The following MSANTD4 variants were observed in gnomAD, a reference collection of about 807,000 sequenced individuals.
The protein encoded by MSANTD4 is myb/SANT-like DNA-binding domain-containing protein 4.
In MSANTD4, 13 loss-of-function variants were observed where a neutral mutation model predicts 34.3. The ratio of observed to expected loss-of-function variants is 0.38; its 90% confidence interval spans 0.25 to 0.60. The LOEUF (loss-of-function observed/expected upper bound fraction) is 0.60, where lower values mean the gene tolerates loss of function less well. Ranked by LOEUF, MSANTD4 falls within the 20% of genes least tolerant of loss-of-function variation. The probability of loss-of-function intolerance (pLI) is 0.63; values close to 1 mark genes in which losing one functional copy is unlikely to be tolerated. For missense variants in MSANTD4, 358 were observed against 401.8 expected, an observed-to-expected ratio of 0.89 and a Z score of 0.93; for synonymous variants, 137 against 145.2, an observed-to-expected ratio of 0.94 and a Z score of 0.41.
chr11:106,022,250 T>A (rs1027279942), upstream of MSANTD4: 4 of 152,470 alleles, frequency 2.6e-5, no homozygotes, highest in Non-Finnish European at 5.9e-5. Context: ...GGAAAAAAGA[T>A]GCTTCATTGA....
At chr11:106,017,918 T>C (rs566949371) in intron 1 of MSANTD4, among the ~76,000 whole-genome samples, 34 of 152,254 alleles carry the variant, frequency 2.2e-4, no homozygotes, top group African/African-American at 7.7e-4. Flanking sequence ...AACTATAGCA[T>C]GTATATGAAT....
In MSANTD4 at chr11:106,021,494, G is replaced by A. The variant is rs1266842190; in HGVS notation, c.-683C>T. 6.6e-6 allele frequency: 1 copy of A among 152,066 alleles called. No individual in the cohort carries two copies. Among genetic ancestry groups the A allele is most frequent in the African/African-American group, 2.4e-5 (1 of 41,406 alleles). The allele number at this position is 152,066 out of a possible 1,614,324, so 9.4% of individuals were successfully genotyped here. Reference sequence around the variant, plus strand: ...TTAAGAAGTCTGAGAAAAACCAGACGGCAAGTTCCGGATCAAAAAAATTTG... The same window carrying A: ...TTAAGAAGTCTGAGAAAAACCAGACAGCAAGTTCCGGATCAAAAAAATTTG... On this transcript the variant is annotated 5_prime_UTR_variant, in exon 1 of 3. Transcript: ENST00000301919.
intron 1 of MSANTD4, among the ~76,000 whole-genome samples, chr11:106,018,523 C>T (rs188832496): frequency 2.7e-4 from 41 of 152,222 alleles, no homozygotes; most frequent in Admixed American, 1.3e-3. Flanking sequence ...GGATTGAGAA[C>T]CACCCAACTA....
chr11:106,013,236 C>G (rs980063256), intron 1 of MSANTD4, among the ~76,000 whole-genome samples: 2 of 152,170 alleles, frequency 1.3e-5, no homozygotes, highest in African/African-American at 4.8e-5. Flanking sequence ...TCACTGATAA[C>G]TGCTACAGAG....
intron 1 of MSANTD4, among the ~76,000 whole-genome samples, chr11:106,011,286 AT>A (rs1355277983): frequency 6.6e-6 from 1 of 152,076 alleles, no homozygotes; most frequent in Non-Finnish European, 1.5e-5. Flanking sequence ...GCCACTATTC[AT>A]TCCTGACTCC....
chr11:106,018,294 A>C lies in MSANTD4; in HGVS notation c.-151+2668T>G, dbSNP rs1859917634. 3.3e-5 allele frequency among the ~76,000 whole-genome samples: 5 copies of C among 152,310 alleles called. No individual in the cohort carries two copies. The South Asian group carries it at 1.0e-3, about 32-fold the overall frequency. ...AATGTGTACTTTACAGTTACAACATACCTCATTTTGTATTAGTCACATTTC... is the reference window on the plus strand; with the variant it reads ...AATGTGTACTTTACAGTTACAACATCCCTCATTTTGTATTAGTCACATTTC... On this transcript the variant is annotated intron_variant, in intron 1 of 2. Coordinates refer to ENST00000301919, the MANE Select transcript of MSANTD4 (RefSeq NM_032424.3).
Position 106,010,439 on chromosome 11 carries a change from C to G in MSANTD4, c.462+17G>C. On this transcript the variant is annotated intron_variant, in intron 2 of 2. Transcript: ENST00000301919. ...GAATTGAAAAGATTAAAAGAGGGTACAGAGGCTAATACTTACTTCAGGACT... is the reference window on the plus strand; with the variant it reads ...GAATTGAAAAGATTAAAAGAGGGTAGAGAGGCTAATACTTACTTCAGGACT... The G allele has an allele frequency of 6.3e-7, 1 of 1,591,750 alleles. No individual in the cohort carries two copies. Among genetic ancestry groups the G allele is most frequent in the South Asian group, 1.1e-5 (1 of 87,394 alleles).
chr11:106,011,693 C>T (rs1455821255), intron 1 of MSANTD4, among the ~76,000 whole-genome samples: 8 of 152,144 alleles, frequency 5.3e-5, no homozygotes, highest in African/African-American at 1.9e-4. Context: ...GCCATCACCT[C>T]CCCAGAGCCT....
chr11:106,017,278 G>A (rs865845008), intron 1 of MSANTD4, among the ~76,000 whole-genome samples: 2 of 152,122 alleles, frequency 1.3e-5, no homozygotes, highest in Non-Finnish European at 2.9e-5. Context: ...AGGAACATTC[G>A]CAGACACAGA....
At chr11:106,015,261 C>T (rs1487511128) in intron 1 of MSANTD4, among the ~76,000 whole-genome samples, 1 of 152,290 alleles carries the variant, frequency 6.6e-6, no homozygotes, top group Non-Finnish European at 1.5e-5. Context: ...TCTGGCAATT[C>T]CTAGCTGTGT....
Position 106,010,516 on chromosome 11 carries a change from T to C in MSANTD4, c.402A>G (p.Ala134=). 3.1e-6 allele frequency: 5 copies of C among 1,614,196 alleles called. No homozygotes were observed. The highest frequency in any genetic ancestry group is 3.4e-6 in the Non-Finnish European group (4 of 1,180,018). ...DWQNVADFRD[A]GGSLTEVKVE... is the part of the protein sequence containing the mutation. ...CCTTGACCTCAGTTAAGGATCCACC[T>C]GCATCCCTGAAATCTGCCACATTTT... The change falls in exon 2 of 3, where the codon GCA becomes GCG. Residue 134 remains alanine, a synonymous_variant. Coordinates refer to ENST00000301919, the MANE Select transcript of MSANTD4 (RefSeq NM_032424.3).
intron 1 of MSANTD4, among the ~76,000 whole-genome samples, chr11:106,013,304 A>T (rs1026410357): frequency 6.6e-6 from 1 of 152,194 alleles, no homozygotes; most frequent in East Asian, 1.9e-4. Context: ...GATCCCTTCC[A>T]GCTCTATCAC....
intron 1 of MSANTD4, among the ~76,000 whole-genome samples, chr11:106,018,845 A>T (rs1359665262): frequency 2.0e-5 from 3 of 152,236 alleles, no homozygotes; most frequent in Non-Finnish European, 4.4e-5. Context: ...TGCTCTCTTG[A>T]GAACCAAATT....
Position 106,009,259 on chromosome 11 carries a change from G to A in MSANTD4, c.*276C>T. 1 of 288,978 alleles carries A rather than the reference G, an allele frequency of 3.5e-6. No individual in the cohort carries two copies. Among genetic ancestry groups the A allele is most frequent in the Non-Finnish European group, 6.4e-6 (1 of 156,078 alleles). 17.9% of individuals were successfully genotyped at this position (288,978 alleles called of 1,614,324 possible). On this transcript the variant is annotated 3_prime_UTR_variant, in exon 3 of 3. Transcript: ENST00000301919. ...AACTTCTGGGCTAGAATTTTATATGGACATAATTGTAAACTCTGGGTACAC... is the reference window on the plus strand; with the variant it reads ...AACTTCTGGGCTAGAATTTTATATGAACATAATTGTAAACTCTGGGTACAC...
chr11:106,018,753 C>A (rs1032734358), intron 1 of MSANTD4, among the ~76,000 whole-genome samples: 1 of 152,064 alleles, frequency 6.6e-6, no homozygotes, highest in Non-Finnish European at 1.5e-5. Flanking sequence ...AGTTGTAGGA[C>A]CAATTCACAC....
At chr11:106,017,781 A>G (rs916704106) in intron 1 of MSANTD4, among the ~76,000 whole-genome samples, 6 of 152,248 alleles carry the variant, frequency 3.9e-5, no homozygotes, top group African/African-American at 1.4e-4. Flanking sequence ...AATGACGTGC[A>G]TATGAATGAT....
chr11:106,012,144 CAA>C (rs56408049), intron 1 of MSANTD4, among the ~76,000 whole-genome samples: 86,012 of 141,532 alleles, frequency 0.61, 25,907 homozygotes, highest in Admixed American at 0.62. Flanking sequence ...AAAAGATAAC[CAA>C]AAAAAAAAAA....
Position 106,008,340 on chromosome 11 carries a change from A to G in MSANTD4, c.*1195T>C, listed in dbSNP as rs955330573. The G allele has an allele frequency of 1.3e-5, 2 of 152,338 alleles. No homozygotes were observed. Among genetic ancestry groups the G allele is most frequent in the Admixed American group, 6.5e-5 (1 of 15,276 alleles). The allele number at this position is 152,338 out of a possible 1,614,324, so 9.4% of individuals were successfully genotyped here. A position where few individuals can be genotyped will look rare whatever the true frequency, so the allele number is the denominator to read the frequency against. On this transcript the variant is annotated 3_prime_UTR_variant, in exon 3 of 3. Transcript: ENST00000301919. ...GGAAGGACAAAATATACTACAATAT[A>G]GAAGATCAGCCATTTACTCTGTGTC...
chr11:106,009,868 G>C lies in MSANTD4; in HGVS notation c.705C>G (p.Ile235Met), dbSNP rs539432553. Residue 235 changes from isoleucine to methionine, a missense_variant, in exon 3 of 3, where the codon ATC becomes ATG. Around this residue, in one of 2 missense-constraint regions of MSANTD4, gnomAD observed 312 missense variants for 317.6 expected, o/e 0.98. Coordinates refer to ENST00000301919, the MANE Select transcript of MSANTD4 (RefSeq NM_032424.3). Reference sequence around the variant, plus strand: ...CTAAATGCCGCAGCCTCTCTTTCTCGATTTGTAGGCGTTCCTTTTCTACCT... The same window carrying C: ...CTAAATGCCGCAGCCTCTCTTTCTCCATTTGTAGGCGTTCCTTTTCTACCT... ...RLQVEKERLQIEKERLRHLDM... is the reference protein window; with the variant it reads ...RLQVEKERLQMEKERLRHLDM... 10 of 1,613,590 alleles carry C rather than the reference G, an allele frequency of 6.2e-6. No individual in the cohort carries two copies. The highest frequency in any genetic ancestry group is 8.5e-6 in the Non-Finnish European group (10 of 1,179,898).
Sources: gnomAD v4.1 joint callset for allele counts (sites outside exome capture counted in the v4.1 genomes callset) on GRCh38, gnomAD v4.1.1 for gene constraint, gnomAD v4.1.1 regional missense constraint, MANE v1.5 for transcripts, NCBI Gene and HGNC (gene_info 2026-07-23, HGNC 2026-07-21) for gene names.